The following VPS8 variants were observed in gnomAD, a reference collection of about 807,000 sequenced individuals.
The protein encoded by VPS8 is vacuolar protein sorting-associated protein 8 homolog.
VPS8 carries 129 observed loss-of-function variants against 216.4 expected under a neutral mutation model. The observed-to-expected ratio is 0.60, with a 90% CI of 0.52 to 0.69. The LOEUF is 0.69. VPS8 is among the 30% of genes least tolerant of loss of function. The pLI, the probability that VPS8 is intolerant of heterozygous loss-of-function variation, is 0.00. For synonymous variants in VPS8, 571 were observed against 565.4 expected (o/e 1.01, Z -0.14); for missense variants, 1,531 against 1,683.5 (o/e 0.91, Z 1.59).
chr3:184,973,281 AT>A (rs1479200454), intron 40 of VPS8, among the ~76,000 whole-genome samples: 7 of 152,132 alleles, frequency 4.6e-5, no homozygotes, highest in Non-Finnish European at 1.0e-4. Flanking sequence ...AACTTTAGAT[AT>A]TTTTTGTCTG....
At chr3:185,048,367 G>A (rs1713411699) in intron 46 of VPS8, 112 bp from the exon 47 acceptor site, 2 of 1,056,886 alleles carry the variant, frequency 1.9e-6, no homozygotes, top group Non-Finnish European at 1.4e-6. Context: ...AGCATGGATT[G>A]TTTTCAGGAG....
At chr3:184,928,240 A>G (rs4589907) in intron 31 of VPS8, among the ~76,000 whole-genome samples, 131,421 of 152,218 alleles carry the variant, frequency 0.86, 57,253 homozygotes, top group East Asian at 0.96. Flanking sequence ...TTTGGAAAGC[A>G]GAGCCATTTA....
chr3:184,874,181 T>G (rs1465978010), intron 21 of VPS8, among the ~76,000 whole-genome samples: 1 of 152,146 alleles, frequency 6.6e-6, no homozygotes, highest in East Asian at 1.9e-4. Context: ...TAAACTCATA[T>G]AATTACCTTT....
intron 37 of VPS8, among the ~76,000 whole-genome samples, chr3:184,961,267 A>C (rs551942303): frequency 1.3e-5 from 2 of 152,242 alleles, no homozygotes; most frequent in East Asian, 1.9e-4. Context: ...TTTCCCATTT[A>C]ACATTTATTT....
chr3:184,857,316 A>G (rs1035790777), intron 14 of VPS8, among the ~76,000 whole-genome samples: 3 of 152,256 alleles, frequency 2.0e-5, no homozygotes, highest in Non-Finnish European at 4.4e-5. Context: ...AACATCCCCA[A>G]TACAACATTT....
At chr3:184,947,058 A>G (rs1381355896) in intron 36 of VPS8, among the ~76,000 whole-genome samples, 1 of 152,178 alleles carries the variant, frequency 6.6e-6, no homozygotes, top group Non-Finnish European at 1.5e-5. Context: ...CAAGACAGGA[A>G]AGAGCAGTTC....
At chr3:185,002,593 A>T (rs959998056) in intron 45 of VPS8, among the ~76,000 whole-genome samples, 3 of 151,982 alleles carry the variant, frequency 2.0e-5, no homozygotes, top group Non-Finnish European at 4.4e-5. Flanking sequence ...TTTATCCCTT[A>T]CTTTGCTCCA....
In VPS8 at chr3:184,898,621, C is replaced by T. The variant is rs1285921118; in HGVS notation, c.2061C>T (p.Asn687=). Residue 687 remains asparagine (N), a synonymous_variant, in exon 24 of 48, where the codon AAC becomes AAT. Transcript: ENST00000625842. The part of the protein sequence containing the change: ...RLYDAMIYVY[N]RGMNEFISPM... Reference sequence around the variant, plus strand: ...ATGATGCTATGATCTATGTCTACAACAGAGGCATGAATGAATTTATTAGTC... The same window carrying T: ...ATGATGCTATGATCTATGTCTACAATAGAGGCATGAATGAATTTATTAGTC... 1.3e-6 allele frequency: 2 copies of T among 1,554,202 alleles called. No individual in the cohort carries two copies. The highest frequency in any genetic ancestry group is 1.7e-4 in the Middle Eastern group (1 of 6,018).
intron 29 of VPS8, chr3:184,922,454 T>A (rs1289540771): frequency 2.2e-6 from 1 of 454,320 alleles, no homozygotes; most frequent in Admixed American, 2.4e-5. Context: ...TCCAGCACAA[T>A]GCCTGTAACC....
At chr3:184,852,807 C>A (rs771494655) in intron 11 of VPS8, among the ~76,000 whole-genome samples, 1 of 152,108 alleles carries the variant, frequency 6.6e-6, no homozygotes, top group Non-Finnish European at 1.5e-5. Context: ...CCAGAAGATT[C>A]TTATATGCTG....
intron 14 of VPS8, among the ~76,000 whole-genome samples, chr3:184,859,010 C>T (rs150440576): frequency 4.6e-5 from 7 of 152,278 alleles, no homozygotes; most frequent in African/African-American, 1.7e-4. Flanking sequence ...GACCTGGACA[C>T]AACTGTTTTG....
chr3:185,029,323 C>G (rs1757792608), intron 46 of VPS8, among the ~76,000 whole-genome samples: 1 of 152,166 alleles, frequency 6.6e-6, no homozygotes, highest in Non-Finnish European at 1.5e-5. Context: ...CAGTGTTCTT[C>G]ATTTAGCCAA....
At chr3:184,828,848 C>G (rs1307774078) in intron 3 of VPS8, among the ~76,000 whole-genome samples, 1 of 152,312 alleles carries the variant, frequency 6.6e-6, no homozygotes, top group East Asian at 1.9e-4. Context: ...CCAGATAAAG[C>G]AGCCGAACAT....
At chr3:184,868,541 C>T (rs566072652) in intron 18 of VPS8, among the ~76,000 whole-genome samples, 3 of 152,306 alleles carry the variant, frequency 2.0e-5, no homozygotes, top group South Asian at 4.1e-4. Context: ...TTCCACTTAT[C>T]GTTAGCCAGA....
chr3:185,011,569 TA>T (rs1375850499), intron 45 of VPS8, among the ~76,000 whole-genome samples: 11 of 152,204 alleles, frequency 7.2e-5, no homozygotes, highest in African/African-American at 2.4e-4. Flanking sequence ...CATCAGGTAC[TA>T]AAGAACTAAG....
intron 21 of VPS8, among the ~76,000 whole-genome samples, chr3:184,876,044 C>T (rs575208110): frequency 6.8e-4 from 103 of 151,828 alleles, no homozygotes; most frequent in Admixed American, 3.6e-3. Context: ...ATCCCTTAAC[C>T]TATTCCATGT....
chr3:184,970,275 G>A (rs1748195049), intron 39 of VPS8, among the ~76,000 whole-genome samples: 1 of 152,134 alleles, frequency 6.6e-6, no homozygotes, highest in Admixed American at 6.5e-5. Context: ...TGCTAATTGT[G>A]CTTTGTTCCT....
intron 27 of VPS8, 102 bp downstream of exon 27, chr3:184,915,155 A>G: frequency 7.2e-7 from 1 of 1,391,518 alleles, no homozygotes; most frequent in Non-Finnish European, 1.0e-6. Flanking sequence ...AGGAGCTATC[A>G]CCTGTTGCAG....
chr3:184,854,237 G>A, intron 13 of VPS8, 64 bp downstream of exon 13: 1 of 1,544,584 alleles, frequency 6.5e-7, no homozygotes. Context: ...GAGAGAGATG[G>A]CTTGCAAGGG....
Sources: gnomAD v4.1 joint callset for allele counts (sites outside exome capture counted in the v4.1 genomes callset) on GRCh38, gnomAD v4.1.1 for gene constraint, MANE v1.5 for transcripts, NCBI Gene and HGNC (gene_info 2026-07-23, HGNC 2026-07-21) for gene names.